Variants in SOX6 observed in about 807,000 individuals in gnomAD.
SOX6 encodes SRY-box transcription factor 6.
A neutral mutation model predicts 97.8 loss-of-function variants in SOX6; 11 were observed. The ratio of observed to expected loss-of-function variants is 0.11; its 90% confidence interval spans 0.07 to 0.19. SOX6 has a LOEUF of 0.19. SOX6 is among the 10% of genes least tolerant of loss of function. The pLI is 1.00. For synonymous variants in SOX6, 360 were observed against 371.4 expected (o/e 0.97, Z 0.35); for missense variants, 810 against 1,039.5 (o/e 0.78, Z 3.04).
chr11:16,719,815 T>A (rs1848246136), intron 2 of SOX6, among the ~76,000 whole-genome samples: 1 of 152,062 alleles, frequency 6.6e-6, no homozygotes, highest in Non-Finnish European at 1.5e-5. Context: ...GTCCAGCTAC[T>A]AAGGAGGCTG....
At chr11:16,474,120 G>A (rs1007869844) in intron 1 of SOX6, among the ~76,000 whole-genome samples, 1 of 152,158 alleles carries the variant, frequency 6.6e-6, no homozygotes, top group South Asian at 2.1e-4. Flanking sequence ...CAGCAATTCA[G>A]TCACATCTTT....
At chr11:16,382,902 C>A (rs1313158975) in intron 1 of SOX6, among the ~76,000 whole-genome samples, 1 of 151,694 alleles carries the variant, frequency 6.6e-6, no homozygotes, top group African/African-American at 2.4e-5. Context: ...AACTTAATCT[C>A]TTAAGCACCA....
chr11:16,399,790 G>A (rs1383044804), intron 1 of SOX6, among the ~76,000 whole-genome samples: 1 of 151,360 alleles, frequency 6.6e-6, no homozygotes, highest in Non-Finnish European at 1.5e-5. Context: ...AGACTGACTT[G>A]AAGAAGTAAA....
chr11:16,735,901 A>G (rs1848387489), intron 2 of SOX6, among the ~76,000 whole-genome samples: 1 of 152,044 alleles, frequency 6.6e-6, no homozygotes, highest in Non-Finnish European at 1.5e-5. Context: ...TTTCCTCTTC[A>G]GTTTTAACTA....
chr11:16,232,599 A>AG (rs893808604), intron 4 of SOX6, among the ~76,000 whole-genome samples: 11 of 152,118 alleles, frequency 7.2e-5, no homozygotes, highest in East Asian at 1.9e-4. Context: ...AAAGACGGAA[A>AG]GGGGGGGAGA....
At chr11:16,471,558 G>A (rs1314937060) in intron 1 of SOX6, among the ~76,000 whole-genome samples, 1 of 152,152 alleles carries the variant, frequency 6.6e-6, no homozygotes, top group East Asian at 1.9e-4. Flanking sequence ...GGAAATTAAG[G>A]TTCATAAAAG....
chr11:16,457,881 T>C (rs933016111), intron 1 of SOX6, among the ~76,000 whole-genome samples: 3 of 152,070 alleles, frequency 2.0e-5, no homozygotes, highest in African/African-American at 7.2e-5. Context: ...TGTTATCATG[T>C]ATATTACAGC....
chr11:16,718,645 T>C (rs1358429049), intron 2 of SOX6, among the ~76,000 whole-genome samples: 1 of 152,228 alleles, frequency 6.6e-6, no homozygotes, highest in Non-Finnish European at 1.5e-5. Context: ...AAGGTCTTAA[T>C]AGTGATTATT....
chr11:16,034,130 G>A (rs1855456059), intron 12 of SOX6, among the ~76,000 whole-genome samples: 2 of 152,104 alleles, frequency 1.3e-5, no homozygotes, highest in South Asian at 2.1e-4. Context: ...ACATAGGCAA[G>A]AGAACCCCAA....
chr11:16,347,422 TG>T (rs1339932411), intron 1 of SOX6, among the ~76,000 whole-genome samples: 13 of 152,256 alleles, frequency 8.5e-5, no homozygotes, highest in African/African-American at 3.1e-4. Flanking sequence ...AACCTAACAA[TG>T]GCTACTATAA....
At chr11:16,450,572 C>T (rs1212046701) in intron 1 of SOX6, among the ~76,000 whole-genome samples, 1 of 152,222 alleles carries the variant, frequency 6.6e-6, no homozygotes, top group Non-Finnish European at 1.5e-5. Context: ...TCGGTCCATT[C>T]TCATGCAAAT....
At chr11:16,152,946 A>C (rs1168321099) in intron 6 of SOX6, among the ~76,000 whole-genome samples, 2 of 152,036 alleles carry the variant, frequency 1.3e-5, no homozygotes, top group Non-Finnish European at 2.9e-5. Flanking sequence ...GGCTCACAGC[A>C]ACCTCCACCT....
intron 4 of SOX6, among the ~76,000 whole-genome samples, chr11:16,234,091 C>A (rs563987759): frequency 6.6e-6 from 1 of 151,340 alleles, no homozygotes; most frequent in South Asian, 2.1e-4. Context: ...TGTCCAGTGA[C>A]AGAGCCAGGA....
At chr11:16,125,725 G>A (rs1849591933) in intron 6 of SOX6, among the ~76,000 whole-genome samples, 1 of 151,828 alleles carries the variant, frequency 6.6e-6, no homozygotes, top group African/African-American at 2.4e-5. Context: ...GTGGAAGGAT[G>A]GTGGTTCACT....
rs114830231 is a variant in SOX6 at position 16,289,676 on chromosome 11, T to C, written c.445+28770A>G. ...TAAATGACAAACTCCTAGAAAACTT[T>C]CTAGGTGCATCTGGGCTTTATTCGC... On this transcript the variant is annotated intron_variant, in intron 3 of 15. Transcript: ENST00000683767. Among the ~76,000 whole-genome samples, 168 of 152,086 alleles carry C rather than the reference T, an allele frequency of 1.1e-3. 1 individual carries two copies. The highest frequency in any genetic ancestry group is 3.8e-3 in the African/African-American group (156 of 41,526).
chr11:16,621,617 A>G lies in SOX6; in HGVS notation n.430-9357T>C, dbSNP rs143492680. ...TATGTACATGTAGATACTATGCTAA[A>G]CAAGAGACTAGCATAGAGTTTAATA... On this transcript the variant is annotated intron_variant and non_coding_transcript_variant, in intron 3 of 5. Transcript: ENST00000524520. Among the ~76,000 whole-genome samples, 567 of 152,330 alleles carry G rather than the reference A, an allele frequency of 3.7e-3. 2 individuals are homozygous for G. Among genetic ancestry groups the G allele is most frequent in the Non-Finnish European group, 5.8e-3 (395 of 68,018 alleles).
In SOX6 at chr11:15,994,659, A is replaced by G. The variant is rs117948978; in HGVS notation, c.1733-5429T>C. On this transcript the variant is annotated intron_variant, in intron 13 of 15. Coordinates refer to ENST00000683767, the MANE Select transcript of SOX6 (RefSeq NM_001367873.1). ...CCAGTGAATTGATAATAAAGAATAG[A>G]ATAGAGGAAAAATAAAGTGACTACC... Among the ~76,000 whole-genome samples, 538 of 152,300 alleles carry G rather than the reference A, an allele frequency of 3.5e-3. 1 individual carries two copies. The highest frequency in any genetic ancestry group is 6.4e-3 in the South Asian group (31 of 4,830).
chr11:16,365,261 C>T (rs1204790285), intron 1 of SOX6, among the ~76,000 whole-genome samples: 1 of 150,698 alleles, frequency 6.6e-6, no homozygotes, highest in African/African-American at 2.4e-5. Flanking sequence ...TGAAACACAT[C>T]CCCATCAGAT....
chr11:16,569,973 T>C (rs1221777214), intron 4 of SOX6, among the ~76,000 whole-genome samples: 1 of 151,312 alleles, frequency 6.6e-6, no homozygotes, highest in African/African-American at 2.4e-5. Context: ...CCAGTTAATA[T>C]AAGCCCAAAG....
Sources: gnomAD v4.1 joint callset for allele counts (sites outside exome capture counted in the v4.1 genomes callset) on GRCh38, gnomAD v4.1.1 for gene constraint, MANE v1.5 for transcripts, NCBI Gene and HGNC (gene_info 2026-07-23, HGNC 2026-07-21) for gene names.